CALN1: variants seen among roughly 807,000 people sequenced by gnomAD.
The protein encoded by CALN1 is calneuron 1.
In CALN1, 17 loss-of-function variants were observed where a neutral mutation model predicts 30.6. The observed-to-expected ratio is 0.56, with a 90% CI of 0.38 to 0.83. The LOEUF is 0.83. Among genes scored for constraint, CALN1 ranks in the 40% least tolerant of loss-of-function variants. The probability of loss-of-function intolerance (pLI) is 0.00; values close to 1 mark genes in which losing one functional copy is unlikely to be tolerated. For synonymous variants in CALN1, 156 were observed against 131.4 expected, an observed-to-expected ratio of 1.19 and a Z score of -1.28; for missense variants, 291 against 354.9, an observed-to-expected ratio of 0.82 and a Z score of 1.45.
At chr7:72,116,825 T>A (rs1453216796) in intron 3 of CALN1, among the ~76,000 whole-genome samples, 2 of 152,120 alleles carry the variant, frequency 1.3e-5, no homozygotes, top group African/African-American at 4.8e-5. Context: ...TGAGCCAATA[T>A]GAATAACCAT....
chr7:71,852,302 A>G (rs546698800), intron 5 of CALN1, among the ~76,000 whole-genome samples: 18 of 152,076 alleles, frequency 1.2e-4, no homozygotes, highest in Non-Finnish European at 2.5e-4. Context: ...TACCTAGGAG[A>G]AGAATGTTTG....
chr7:72,322,444 T>C (rs1425846950), intron 2 of CALN1, among the ~76,000 whole-genome samples: 2 of 152,166 alleles, frequency 1.3e-5, no homozygotes, highest in African/African-American at 4.8e-5. Context: ...TACCCATCCA[T>C]GGCCAAGGGG....
intron 4 of CALN1, among the ~76,000 whole-genome samples, chr7:72,054,174 T>A (rs1459347053): frequency 2.0e-5 from 3 of 152,036 alleles, no homozygotes; most frequent in Non-Finnish European, 4.4e-5. Context: ...GTGGGATTGC[T>A]GGATTGAATG....
At chr7:71,954,036 G>A (rs1187756988) in intron 5 of CALN1, among the ~76,000 whole-genome samples, 1 of 152,204 alleles carries the variant, frequency 6.6e-6, no homozygotes, top group Non-Finnish European at 1.5e-5. Context: ...GAGAATCAGG[G>A]GTAAAGGCTG....
chr7:71,811,350 G>A (rs913597390), intron 5 of CALN1, among the ~76,000 whole-genome samples: 1 of 152,098 alleles, frequency 6.6e-6, no homozygotes, highest in Non-Finnish European at 1.5e-5. Context: ...TGGGATTACA[G>A]ACATGAGCCA....
At chr7:72,056,443 G>A (rs1803261194) in intron 4 of CALN1, among the ~76,000 whole-genome samples, 2 of 152,046 alleles carry the variant, frequency 1.3e-5, no homozygotes, top group Admixed American at 6.6e-5. Context: ...AAAAAAGGAG[G>A]CTTAGTTAAC....
chr7:71,793,377 C>T (rs1786692158), intron 6 of CALN1, among the ~76,000 whole-genome samples: 1 of 152,114 alleles, frequency 6.6e-6, no homozygotes, highest in Non-Finnish European at 1.5e-5. Flanking sequence ...CTGAAATAGA[C>T]CTTAGTCTGA....
At chr7:72,182,650 G>A (rs1464393296) in intron 3 of CALN1, among the ~76,000 whole-genome samples, 1 of 151,836 alleles carries the variant, frequency 6.6e-6, no homozygotes, top group African/African-American at 2.4e-5. Context: ...AACCTGGGAG[G>A]TGGAGGTTGC....
intron 2 of CALN1, among the ~76,000 whole-genome samples, chr7:72,353,268 A>G (rs1217221158): frequency 6.6e-6 from 1 of 152,152 alleles, no homozygotes; most frequent in Non-Finnish European, 1.5e-5. Context: ...CTCTGTTATC[A>G]AAATCAAATA....
In CALN1 at chr7:71,877,117, C is replaced by A. The variant is rs927447507; in HGVS notation, c.502-66625G>T. Reference sequence around the variant, plus strand: ...AGAGCAACACATTAAAGAAAAAAAACCATATAAATATCAATAGACGCTGGA... The same window carrying A: ...AGAGCAACACATTAAAGAAAAAAAAACATATAAATATCAATAGACGCTGGA... On this transcript the variant is annotated intron_variant, in intron 5 of 6. Coordinates refer to ENST00000395275, the MANE Select transcript of CALN1 (RefSeq NM_031468.4). Among the ~76,000 whole-genome samples the A allele has an allele frequency of 2.6e-5, 4 of 151,870 alleles. No homozygotes were observed. In the East Asian group the frequency reaches 5.8e-4, roughly 22 times the overall value.
At chr7:72,298,020 T>G (rs866138409) in intron 2 of CALN1, among the ~76,000 whole-genome samples, 1 of 152,240 alleles carries the variant, frequency 6.6e-6, no homozygotes, top group South Asian at 2.1e-4. Flanking sequence ...TCTTATTATT[T>G]TTTTTAGCTA....
intron 5 of CALN1, among the ~76,000 whole-genome samples, chr7:71,940,623 G>C (rs1170993373): frequency 2.0e-5 from 3 of 151,968 alleles, no homozygotes; most frequent in Non-Finnish European, 4.4e-5. Flanking sequence ...TTTTTTCAGA[G>C]GGGGCCTCAA....
intron 3 of CALN1, among the ~76,000 whole-genome samples, chr7:72,209,540 G>A (rs933231173): frequency 3.0e-4 from 26 of 86,628 alleles, no homozygotes; most frequent in East Asian, 9.3e-4. Context: ...CCCTCTCTCC[G>A]CCCTCCGTTC....
At chr7:71,917,302 G>A (rs1264352991) in intron 5 of CALN1, among the ~76,000 whole-genome samples, 1 of 152,088 alleles carries the variant, frequency 6.6e-6, no homozygotes. Flanking sequence ...TTGGTCAAAA[G>A]GTACAAATGT....
At chr7:71,891,955 AAT>A (rs201453565) in intron 5 of CALN1, among the ~76,000 whole-genome samples, 244 of 130,028 alleles carry the variant, frequency 1.9e-3, no homozygotes, top group African/African-American at 4.7e-3. Flanking sequence ...AAAATAAATA[AAT>A]AAAAAAAAAA....
At chr7:72,289,468 T>C (rs940422798) in intron 2 of CALN1, among the ~76,000 whole-genome samples, 6 of 152,256 alleles carry the variant, frequency 3.9e-5, no homozygotes, top group Non-Finnish European at 8.8e-5. Flanking sequence ...GGCAGTGATA[T>C]ACTGGTAAAT....
chr7:71,986,634 C>G (rs1160449197), intron 5 of CALN1, among the ~76,000 whole-genome samples: 1 of 152,070 alleles, frequency 6.6e-6, no homozygotes, highest in African/African-American at 2.4e-5. Context: ...GCCAATGTGG[C>G]CCAGTGGGAA....
intron 2 of CALN1, among the ~76,000 whole-genome samples, chr7:72,378,670 T>A (rs1804708385): frequency 1.5e-5 from 2 of 133,646 alleles, no homozygotes; most frequent in South Asian, 5.5e-4. Context: ...GTTATAATTT[T>A]TATTTCCATC....
At chr7:72,251,790 A>G (rs1795580455) in intron 3 of CALN1, among the ~76,000 whole-genome samples, 2 of 152,180 alleles carry the variant, frequency 1.3e-5, no homozygotes, top group Non-Finnish European at 1.5e-5. Flanking sequence ...TAACTGTATC[A>G]ATGTCAATAT....
Sources: gnomAD v4.1 joint callset for allele counts (sites outside exome capture counted in the v4.1 genomes callset) on GRCh38, gnomAD v4.1.1 for gene constraint, MANE v1.5 for transcripts, NCBI Gene and HGNC (gene_info 2026-07-23, HGNC 2026-07-21) for gene names.